DPYD: variants seen among roughly 807,000 people sequenced by gnomAD.
The protein encoded by DPYD is dihydropyrimidine dehydrogenase, also known as dihydropyrimidine dehydrogenase [NADP(+)].
DPYD carries 109 observed loss-of-function variants against 116.2 expected under a neutral mutation model. The observed-to-expected ratio is 0.94, with a 90% CI of 0.80 to 1.10. The LOEUF is 1.10. DPYD is among the 50% of genes least tolerant of loss of function. DPYD has a pLI of 0.00. For synonymous variants in DPYD, 440 were observed against 432.0 expected (o/e 1.02, Z -0.23); for missense variants, 1,302 against 1,254.5 (o/e 1.04, Z -0.57).
intron 8 of DPYD, among the ~76,000 whole-genome samples, chr1:97,659,324 C>A (rs1659120582): frequency 6.6e-6 from 1 of 152,062 alleles, no homozygotes; most frequent in South Asian, 2.1e-4. Flanking sequence ...TATGTCCAAC[C>A]AGGCTGCTTA....
intron 2 of DPYD, among the ~76,000 whole-genome samples, chr1:97,850,774 AC>A (rs943368022): frequency 2.7e-5 from 4 of 147,578 alleles, no homozygotes; most frequent in Admixed American, 1.4e-4. Flanking sequence ...CTACAAAAAA[AC>A]CATCCAGCAA....
At chr1:97,782,071 T>G (rs1372570099) in intron 3 of DPYD, among the ~76,000 whole-genome samples, 4 of 152,220 alleles carry the variant, frequency 2.6e-5, no homozygotes, top group Non-Finnish European at 5.9e-5. Context: ...AAGGTATTAG[T>G]ACAAGGTAAC....
Position 97,503,982 on chromosome 1 carries a change from C to G in DPYD, c.1740+11744G>C, listed in dbSNP as rs115247781. Among the ~76,000 whole-genome samples the G allele has an allele frequency of 3.9e-3, 591 of 152,034 alleles. 1 individual carries two copies. Among genetic ancestry groups the G allele is most frequent in the African/African-American group, 0.013 (554 of 41,528 alleles). ...ATAAATCACAAAAATAAATTTTTCC[C>G]TTACAGAAATGTTCAAGTAGATAAC... is the stretch of plus-strand genomic sequence containing the variant. On this transcript the variant is annotated intron_variant, in intron 13 of 22. Coordinates refer to ENST00000370192, the MANE Select transcript of DPYD (RefSeq NM_000110.4).
intron 8 of DPYD, among the ~76,000 whole-genome samples, chr1:97,656,387 C>CT (rs1435539561): frequency 6.6e-6 from 1 of 152,102 alleles, no homozygotes; most frequent in Non-Finnish European, 1.5e-5. Context: ...GGTCTAGCTA[C>CT]TTTTTTTAAT....
chr1:97,857,811 C>T (rs533316158), intron 2 of DPYD, among the ~76,000 whole-genome samples: 3 of 152,062 alleles, frequency 2.0e-5, no homozygotes, highest in East Asian at 3.9e-4. Context: ...TCTGGAGACC[C>T]GACTTGATAC....
rs182345822 is a variant in DPYD, at chr1:97,773,229, C to T, written c.234-32750G>A. Among the ~76,000 whole-genome samples the T allele has an allele frequency of 1.2e-3, 185 of 152,290 alleles. No individual in the cohort carries two copies. In the Middle Eastern group the frequency reaches 0.024, roughly 20 times the overall value. ...TTATCAAATGACTGCACAAATGAGA[C>T]AACTGAGCCAGAAAGTGGTTCAAGT... is the stretch of plus-strand genomic sequence containing the variant. On this transcript the variant is annotated intron_variant, in intron 3 of 22. Transcript: ENST00000370192.
At chr1:97,256,120 T>C (rs1663443479) in intron 18 of DPYD, among the ~76,000 whole-genome samples, 1 of 152,154 alleles carries the variant, frequency 6.6e-6, no homozygotes, top group South Asian at 2.1e-4. Flanking sequence ...AGGCCTATGG[T>C]TGAAGTGGGA....
At chr1:97,770,618 A>G (rs1333155979) in intron 3 of DPYD, among the ~76,000 whole-genome samples, 1 of 152,166 alleles carries the variant, frequency 6.6e-6, no homozygotes. Flanking sequence ...AAACATACTA[A>G]GTTTGCGTAA....
At chr1:97,582,946 CAAGTA>C (rs754840028) in intron 10 of DPYD, among the ~76,000 whole-genome samples, 16 of 152,048 alleles carry the variant, frequency 1.1e-4, no homozygotes, top group Admixed American at 5.2e-4. Context: ...TCTCTTTTAA[CAAGTA>C]AAGGGTTGAT....
At chr1:97,689,545 A>C (rs1660902837) in intron 7 of DPYD, among the ~76,000 whole-genome samples, 1 of 152,114 alleles carries the variant, frequency 6.6e-6, no homozygotes, top group African/African-American at 2.4e-5. Context: ...AAATACATAC[A>C]TACATATATA....
intron 20 of DPYD, among the ~76,000 whole-genome samples, chr1:97,168,014 C>G (rs1249467006): frequency 6.6e-6 from 1 of 152,112 alleles, no homozygotes; most frequent in East Asian, 1.9e-4. Flanking sequence ...GTAATGTTTT[C>G]TAGTTTGGAT....
intron 2 of DPYD, among the ~76,000 whole-genome samples, chr1:97,852,296 G>T (rs77777358): frequency 6.6e-6 from 1 of 151,890 alleles, no homozygotes. Flanking sequence ...CTTATTATGT[G>T]CCAGACCTAA....
chr1:97,676,456 G>A (rs1023270741), intron 8 of DPYD, among the ~76,000 whole-genome samples: 2 of 152,076 alleles, frequency 1.3e-5, no homozygotes, highest in African/African-American at 4.8e-5. Flanking sequence ...GACCAAAGAC[G>A]GAATTCAGGT....
chr1:97,791,381 C>T (rs1294653402), intron 3 of DPYD, among the ~76,000 whole-genome samples: 2 of 152,110 alleles, frequency 1.3e-5, no homozygotes, highest in Non-Finnish European at 2.9e-5. Context: ...AAATTAAAAC[C>T]ACTGAAACCT....
Position 97,119,303 on chromosome 1 carries a change from A to G in DPYD, c.2623-20671T>C, listed in dbSNP as rs72724390. ...CCATGCTAGAAAACCATTCAAAGCA[A>G]TGACATGGAAATTAGCACACGAGTG... is the stretch of plus-strand genomic sequence containing the variant. On this transcript the variant is annotated intron_variant, in intron 20 of 22. Transcript: ENST00000370192. Among the ~76,000 whole-genome samples, 900 of 152,300 alleles carry G rather than the reference A, an allele frequency of 5.9e-3. 3 individuals carry two copies. Among genetic ancestry groups the G allele is most frequent in the Non-Finnish European group, 9.1e-3 (616 of 68,020 alleles).
At chr1:97,258,254 G>C (rs1401361270) in intron 18 of DPYD, among the ~76,000 whole-genome samples, 1 of 152,124 alleles carries the variant, frequency 6.6e-6, no homozygotes, top group Non-Finnish European at 1.5e-5. Flanking sequence ...CTGACCCCAA[G>C]AAAACAGAGC....
chr1:97,402,939 C>A (rs1673451188), intron 14 of DPYD, among the ~76,000 whole-genome samples: 1 of 151,954 alleles, frequency 6.6e-6, no homozygotes, highest in African/African-American at 2.4e-5. Flanking sequence ...GTTGAACCAG[C>A]CTTGAATGTC....
chr1:97,422,470 A>G (rs1674642042), intron 14 of DPYD, among the ~76,000 whole-genome samples: 1 of 152,192 alleles, frequency 6.6e-6, no homozygotes, highest in South Asian at 2.1e-4. Flanking sequence ...ACCTAGGAGA[A>G]GACCAAGAAT....
chr1:97,902,826 A>G (rs1237688217), intron 1 of DPYD, among the ~76,000 whole-genome samples: 1 of 151,814 alleles, frequency 6.6e-6, no homozygotes, highest in African/African-American at 2.4e-5. Context: ...TCTTAAATGG[A>G]GCATACCACT....
Sources: gnomAD v4.1 joint callset for allele counts (sites outside exome capture counted in the v4.1 genomes callset) on GRCh38, gnomAD v4.1.1 for gene constraint, MANE v1.5 for transcripts, NCBI Gene and HGNC (gene_info 2026-07-23, HGNC 2026-07-21) for gene names.